Variants in GABRB2 observed in about 807,000 individuals in gnomAD.
The protein encoded by GABRB2 is gamma-aminobutyric acid type A receptor subunit beta2.
Under a neutral mutation model 54.7 loss-of-function variants are expected in GABRB2, and 16 were observed. That is an observed-to-expected ratio of 0.29 (90% CI 0.20 to 0.44). The LOEUF is 0.44. GABRB2 is among the 20% of genes least tolerant of loss of function. The pLI, the probability that GABRB2 is intolerant of heterozygous loss-of-function variation, is 1.00. For synonymous variants in GABRB2, 244 were observed against 233.8 expected, an observed-to-expected ratio of 1.04 and a Z score of -0.40; for missense variants, 355 against 644.0, an observed-to-expected ratio of 0.55 and a Z score of 4.86.
chr5:161,506,380 GC>G (rs1759607593), intron 3 of GABRB2, among the ~76,000 whole-genome samples: 2 of 152,224 alleles, frequency 1.3e-5, no homozygotes, highest in South Asian at 4.1e-4. Context: ...AAACTGATAA[GC>G]TTTTTCTATC....
At position 161,392,756 on chromosome 5, in the gene GABRB2, C is replaced by T. The variant is rs545828562; in HGVS notation, c.541+18219G>A. On this transcript the variant is annotated intron_variant, in intron 5 of 9. Coordinates refer to ENST00000393959, the MANE Select transcript of GABRB2 (RefSeq NM_001371727.1). ...CTATTCATAGTTCATGCTTCATTTA[C>T]AGAAACAGCTGTTTTTGAATATCTA... is the stretch of plus-strand genomic sequence containing the variant. Among the ~76,000 whole-genome samples the T allele has an allele frequency of 7.2e-5, 11 of 152,214 alleles. 1 individual carries two copies. Among genetic ancestry groups the T allele is most frequent in the African/African-American group, 2.4e-4 (10 of 41,536 alleles).
At chr5:161,417,040 T>C (rs1304013730) in intron 4 of GABRB2, among the ~76,000 whole-genome samples, 1 of 152,234 alleles carries the variant, frequency 6.6e-6, no homozygotes, top group African/African-American at 2.4e-5. Context: ...CTGAAAATTC[T>C]ACAGAGCTCA....
chr5:161,418,192 A>C (rs1477880885), intron 4 of GABRB2, among the ~76,000 whole-genome samples: 1 of 152,234 alleles, frequency 6.6e-6, no homozygotes, highest in African/African-American at 2.4e-5. Flanking sequence ...TGCAACAAAA[A>C]TCTCATTTTT....
intron 4 of GABRB2, among the ~76,000 whole-genome samples, chr5:161,445,480 A>T (rs1757591061): frequency 6.6e-6 from 1 of 152,118 alleles, no homozygotes; most frequent in Non-Finnish European, 1.5e-5. Flanking sequence ...TTCCAAAGTT[A>T]ACCTGAAAAA....
chr5:161,388,123 A>G (rs545107239), intron 5 of GABRB2, among the ~76,000 whole-genome samples: 5 of 152,282 alleles, frequency 3.3e-5, no homozygotes, highest in African/African-American at 2.4e-5. Flanking sequence ...CCAACAATCC[A>G]TGGGAAGATT....
chr5:161,457,093 C>T (rs1164839732), intron 4 of GABRB2, among the ~76,000 whole-genome samples: 1 of 152,182 alleles, frequency 6.6e-6, no homozygotes, highest in Admixed American at 6.5e-5. Context: ...CCCATTGAAG[C>T]TGGAATTGGA....
At chr5:161,474,224 G>T (rs1758529726) in intron 3 of GABRB2, among the ~76,000 whole-genome samples, 1 of 151,904 alleles carries the variant, frequency 6.6e-6, no homozygotes, top group African/African-American at 2.4e-5. Context: ...CTTTTGAGAG[G>T]CAAACCTTCC....
chr5:161,496,027 G>A (rs561147984), intron 3 of GABRB2, among the ~76,000 whole-genome samples: 2 of 152,086 alleles, frequency 1.3e-5, no homozygotes, highest in Non-Finnish European at 2.9e-5. Context: ...TGTTAAGGAG[G>A]TCTACTAGCA....
intron 4 of GABRB2, among the ~76,000 whole-genome samples, chr5:161,449,840 T>TA (rs879853195): frequency 2.4e-3 from 359 of 148,228 alleles, no homozygotes; most frequent in Admixed American, 4.9e-3. Context: ...AATACTTTGC[T>TA]AAAAAAAAAA....
At chr5:161,307,558 T>C (rs1464771219) in intron 9 of GABRB2, among the ~76,000 whole-genome samples, 1 of 152,200 alleles carries the variant, frequency 6.6e-6, no homozygotes, top group Non-Finnish European at 1.5e-5. Context: ...TTGGGCATGT[T>C]CCATTGCTTA....
intron 4 of GABRB2, among the ~76,000 whole-genome samples, chr5:161,418,719 A>G (rs1756755876): frequency 6.6e-6 from 1 of 152,206 alleles, no homozygotes; most frequent in Admixed American, 6.5e-5. Flanking sequence ...AGAATGGGAG[A>G]AAATGTTTGC....
Position 161,410,856 on chromosome 5 carries a change from TA to T in GABRB2, c.541+118del, listed in dbSNP as rs530482438. On this transcript the variant is annotated intron_variant, in intron 5 of 9. Transcript: ENST00000393959. ...TGTCAATGCTTCCCTCAACCAAATT[TA>T]GTTGGGCTAGCAGAACCTTTGCAGG... 2,165 of 661,690 alleles carry T rather than the reference TA, an allele frequency of 3.3e-3. 5 individuals are homozygous for T. Among genetic ancestry groups the T allele is most frequent in the Non-Finnish European group, 4.6e-3 (1,762 of 385,758 alleles). The allele number at this position is 661,690 out of a possible 1,614,324, so 41.0% of individuals were successfully genotyped here.
chr5:161,335,249 G>A (rs1354665199), intron 6 of GABRB2, among the ~76,000 whole-genome samples: 1 of 152,070 alleles, frequency 6.6e-6, no homozygotes, highest in Non-Finnish European at 1.5e-5. Flanking sequence ...CATCCTGTAA[G>A]TTTAATCTTA....
At chr5:161,498,677 C>A (rs530880354) in intron 3 of GABRB2, among the ~76,000 whole-genome samples, 1 of 152,136 alleles carries the variant, frequency 6.6e-6, no homozygotes, top group South Asian at 2.1e-4. Flanking sequence ...TCCAAACTCC[C>A]TCATGGCCTT....
rs543171349 is a variant in GABRB2, at chr5:161,364,440, G to A, written c.542-27671C>T. ...TAGCATATAGAGGTTCTTGATAAAG[G>A]CAGAACGAATGAATACTGAACTCTT... On this transcript the variant is annotated intron_variant, in intron 5 of 9. Transcript: ENST00000393959. 2.9e-3 allele frequency among the ~76,000 whole-genome samples: 446 copies of A among 152,212 alleles called. 1 individual carries two copies. The highest frequency in any genetic ancestry group is 5.1e-3 in the Non-Finnish European group (345 of 67,970).
At chr5:161,519,457 T>C (rs531292273) in intron 3 of GABRB2, among the ~76,000 whole-genome samples, 1 of 152,258 alleles carries the variant, frequency 6.6e-6, no homozygotes, top group African/African-American at 2.4e-5. Context: ...CTTCTGACAA[T>C]CATTCTACCA....
At chr5:161,324,173 C>G in intron 9 of GABRB2, among the ~76,000 whole-genome samples, 1 of 152,142 alleles carries the variant, frequency 6.6e-6, no homozygotes, top group East Asian at 1.9e-4. Context: ...TGGGAAATAA[C>G]TGTATACAGA....
rs1757229731 is a variant in GABRB2 at position 161,291,228 on chromosome 5, C to T, written c.*2853G>A. On this transcript the variant is annotated 3_prime_UTR_variant, in exon 10 of 10. Transcript: ENST00000393959. ...CATGAATTTCACAAAGATGAAAAAA[C>T]ACCTTAATTGCTGGCTATCTGGCTG... The T allele has an allele frequency of 6.6e-6, 1 of 152,454 alleles. No homozygotes were observed. Among genetic ancestry groups the T allele is most frequent in the Non-Finnish European group, 1.5e-5 (1 of 67,994 alleles). 9.4% of individuals were successfully genotyped at this position (152,454 alleles called of 1,614,324 possible).
At chr5:161,333,311 A>G (rs1395507009) in intron 7 of GABRB2, among the ~76,000 whole-genome samples, 2 of 152,186 alleles carry the variant, frequency 1.3e-5, no homozygotes, top group Non-Finnish European at 2.9e-5. Context: ...CCTTTCCTCC[A>G]TGGATCTTTC....
Sources: allele counts gnomAD v4.1 joint callset (sites outside exome capture counted in the v4.1 genomes callset), GRCh38; gene constraint gnomAD v4.1.1; transcripts MANE v1.5; gene names NCBI Gene and HGNC (gene_info 2026-07-23, HGNC 2026-07-21).